The following BRINP3 variants were observed in gnomAD, a reference collection of about 807,000 sequenced individuals.
BRINP3 encodes the protein BMP/retinoic acid inducible neural specific 3.
BRINP3 carries 19 observed loss-of-function variants against 71.0 expected under a neutral mutation model. The observed-to-expected ratio is 0.27, with a 90% CI of 0.19 to 0.39. The LOEUF is 0.39. Ranked by LOEUF, BRINP3 falls within the 10% of genes least tolerant of loss-of-function variation. BRINP3 has a pLI of 1.00. For missense variants in BRINP3, 959 were observed against 940.8 expected, an observed-to-expected ratio of 1.02 and a Z score of -0.25; for synonymous variants, 380 against 337.7, an observed-to-expected ratio of 1.13 and a Z score of -1.37.
At chr1:190,404,840 C>G (rs1672156924) in intron 2 of BRINP3, among the ~76,000 whole-genome samples, 1 of 152,120 alleles carries the variant, frequency 6.6e-6, no homozygotes, top group Non-Finnish European at 1.5e-5. Context: ...CTCTGAACAG[C>G]AGTGATTTTA....
intron 6 of BRINP3, among the ~76,000 whole-genome samples, chr1:190,190,689 CAT>C (rs1340037251): frequency 1.3e-5 from 2 of 151,854 alleles, no homozygotes; most frequent in African/African-American, 4.8e-5. Flanking sequence ...AATTATAAGA[CAT>C]AGGGAAAATC....
intron 2 of BRINP3, among the ~76,000 whole-genome samples, chr1:190,422,140 T>C (rs1213705867): frequency 6.6e-6 from 1 of 151,784 alleles, no homozygotes. Flanking sequence ...TTCTAATCTA[T>C]ATAGTGCAAA....
At chr1:190,192,417 T>C (rs1018238231) in intron 6 of BRINP3, among the ~76,000 whole-genome samples, 3 of 152,086 alleles carry the variant, frequency 2.0e-5, no homozygotes, top group Non-Finnish European at 2.9e-5. Context: ...AACATTAAAC[T>C]GGTGTTCTTT....
At chr1:190,164,779 A>G (rs1571884524) in intron 6 of BRINP3, among the ~76,000 whole-genome samples, 1 of 151,336 alleles carries the variant, frequency 6.6e-6, no homozygotes, top group African/African-American at 2.4e-5. Flanking sequence ...TTTTGTAGAC[A>G]TGGGGTCTTA....
chr1:190,190,120 C>G (rs139156800), intron 6 of BRINP3, among the ~76,000 whole-genome samples: 26 of 152,182 alleles, frequency 1.7e-4, no homozygotes, highest in Non-Finnish European at 2.9e-4. Context: ...ACCAAGCAAG[C>G]CTTCATCCTG....
intron 7 of BRINP3, among the ~76,000 whole-genome samples, chr1:190,149,744 T>C (rs908846762): frequency 1.3e-5 from 2 of 151,978 alleles, no homozygotes; most frequent in African/African-American, 4.8e-5. Context: ...CTTTCCTGCT[T>C]ATATGAGCTA....
chr1:190,173,040 C>T (rs1652162836), intron 6 of BRINP3, among the ~76,000 whole-genome samples: 1 of 152,160 alleles, frequency 6.6e-6, no homozygotes, highest in Admixed American at 6.6e-5. Context: ...TTCATCTTCT[C>T]TACATCTTCA....
intron 7 of BRINP3, among the ~76,000 whole-genome samples, chr1:190,156,514 A>ATT (rs34512031): frequency 6.0e-5 from 9 of 150,434 alleles, no homozygotes; most frequent in East Asian, 2.0e-4. Flanking sequence ...TCCAGTACAT[A>ATT]TTTTTTTTTT....
chr1:190,145,821 A>T (rs962197573), intron 7 of BRINP3, among the ~76,000 whole-genome samples: 3 of 152,110 alleles, frequency 2.0e-5, no homozygotes, highest in African/African-American at 7.2e-5. Context: ...TATTATGTAT[A>T]CATTCACATA....
intron 7 of BRINP3, among the ~76,000 whole-genome samples, chr1:190,130,090 CA>C (rs1654413737): frequency 6.6e-6 from 1 of 151,890 alleles, no homozygotes; most frequent in Admixed American, 6.6e-5. Flanking sequence ...TTGGCTTCTA[CA>C]AAAAAATTTG....
intron 7 of BRINP3, among the ~76,000 whole-genome samples, chr1:190,118,969 G>C (rs1042717977): frequency 1.1e-4 from 16 of 152,074 alleles, no homozygotes; most frequent in African/African-American, 3.6e-4. Context: ...TGTTCTTCCT[G>C]GTTTGCTCAA....
chr1:190,435,975 T>C (rs1007978823), intron 2 of BRINP3, among the ~76,000 whole-genome samples: 1 of 151,928 alleles, frequency 6.6e-6, no homozygotes, highest in African/African-American at 2.4e-5. Flanking sequence ...ATAGACAAAA[T>C]AGATTTTGTA....
chr1:190,185,010 A>C (rs1288943103), intron 6 of BRINP3, among the ~76,000 whole-genome samples: 1 of 152,184 alleles, frequency 6.6e-6, no homozygotes, highest in Non-Finnish European at 1.5e-5. Context: ...TCTTAAAAGA[A>C]GACAGAGGAA....
chr1:190,178,674 C>T lies in BRINP3; in HGVS notation c.962-17784G>A, dbSNP rs536272876. Among the ~76,000 whole-genome samples the T allele has an allele frequency of 5.9e-5, 9 of 152,172 alleles. No individual in the cohort carries two copies. In the South Asian group the frequency reaches 1.9e-3, roughly 32 times the overall value. On this transcript the variant is annotated intron_variant, in intron 6 of 7. Coordinates refer to ENST00000367462, the MANE Select transcript of BRINP3 (RefSeq NM_199051.3). ...CCAGCAGAGTGATAGAAATTGAATT[C>T]CATTTTTCTTACAGCCTCTACTCAT...
At chr1:190,323,770 C>T (rs1571747776) in intron 2 of BRINP3, among the ~76,000 whole-genome samples, 1 of 151,770 alleles carries the variant, frequency 6.6e-6, no homozygotes, top group South Asian at 2.1e-4. Context: ...AAATGAAAAG[C>T]TTTCAGTTAC....
intron 2 of BRINP3, among the ~76,000 whole-genome samples, chr1:190,311,495 A>C (rs1032747905): frequency 6.6e-6 from 1 of 151,690 alleles, no homozygotes; most frequent in Admixed American, 6.6e-5. Context: ...AGCCAAAAAA[A>C]AGTAGAAATT....
At chr1:190,173,992 T>C (rs1019443180) in intron 6 of BRINP3, among the ~76,000 whole-genome samples, 1 of 152,294 alleles carries the variant, frequency 6.6e-6, no homozygotes. Flanking sequence ...GGAAACAACA[T>C]ATCTATTTTA....
At position 190,098,317 on chromosome 1, in the gene BRINP3, C is replaced by G. The variant is rs1651377679; in HGVS notation, c.2002G>C (p.Val668Leu). ...LGYMKINNIQ[V>L]FGYSMHFDPE... ...TCAAAGTGCATGCTGTAGCCAAACA[C>G]TTGAATGTTATTGATTTTCATATAG... Residue 668 changes from valine (V) to leucine (L), a missense_variant, in exon 8 of 8, where the codon GTG (valine) becomes CTG (leucine). Physicochemically the swap from Val to Leu is conservative, Grantham distance 32 (BLOSUM62 1). Transcript: ENST00000367462. 1 of 1,614,116 alleles carries G rather than the reference C, an allele frequency of 6.2e-7. No homozygotes were observed. Among genetic ancestry groups the G allele is most frequent in the African/African-American group, 1.3e-5 (1 of 74,990 alleles).
chr1:190,140,336 AAGAT>A (rs1322900694), intron 7 of BRINP3, among the ~76,000 whole-genome samples: 1 of 152,096 alleles, frequency 6.6e-6, no homozygotes, highest in African/African-American at 2.4e-5. Context: ...GATTCATAGA[AAGAT>A]AAGAAGATGC....
Sources: gnomAD v4.1 joint callset for allele counts (sites outside exome capture counted in the v4.1 genomes callset) on GRCh38, gnomAD v4.1.1 for gene constraint, MANE v1.5 for transcripts, NCBI Gene and HGNC (gene_info 2026-07-23, HGNC 2026-07-21) for gene names.